Variants in PUS7 observed in about 807,000 individuals in gnomAD.
The protein encoded by PUS7 is pseudouridylate synthase 7 homolog.
Under a neutral mutation model 79.8 loss-of-function variants are expected in PUS7, and 48 were observed. That is an observed-to-expected ratio of 0.60 (90% CI 0.48 to 0.76). The LOEUF (loss-of-function observed/expected upper bound fraction) is 0.76, where lower values mean the gene tolerates loss of function less well. Among genes scored for constraint, PUS7 ranks in the 30% least tolerant of loss-of-function variants. The probability of loss-of-function intolerance (pLI) is 0.00; values close to 1 mark genes in which losing one functional copy is unlikely to be tolerated. For missense variants in PUS7, 729 were observed against 797.6 expected (o/e 0.91, Z 1.04); for synonymous variants, 286 against 272.2 (o/e 1.05, Z -0.50).
intron 5 of PUS7, among the ~76,000 whole-genome samples, chr7:105,499,386 G>C (rs1180358859): frequency 1.3e-5 from 2 of 152,100 alleles, no homozygotes; most frequent in Non-Finnish European, 2.9e-5. Flanking sequence ...CCCTCCTGGG[G>C]ACCATTCATT....
At chr7:105,492,500 ATTTTTTTTTTTT>A (rs1159017117) in intron 6 of PUS7, among the ~76,000 whole-genome samples, 1 of 87,324 alleles carries the variant, frequency 1.1e-5, no homozygotes, top group African/African-American at 5.0e-5. Context: ...GATTTTTTGT[ATTTTTTTTTTTT>A]TTTTTTTTTT....
chr7:105,475,602 G>A (rs1333667311), intron 9 of PUS7, among the ~76,000 whole-genome samples: 2 of 152,184 alleles, frequency 1.3e-5, no homozygotes, highest in Non-Finnish European at 2.9e-5. Context: ...CATTACAGGT[G>A]TGAGCCACCA....
chr7:105,506,434 T>C (rs1825463467), intron 2 of PUS7, among the ~76,000 whole-genome samples, 161 bp from the exon 3 acceptor site: 2 of 152,046 alleles, frequency 1.3e-5, no homozygotes, highest in Admixed American at 6.6e-5. Flanking sequence ...TTTTCTTTTT[T>C]TTTTTTGAGA....
intron 8 of PUS7, among the ~76,000 whole-genome samples, chr7:105,481,972 C>G (rs1388009512): frequency 6.6e-6 from 1 of 152,164 alleles, no homozygotes. Context: ...CCTTGTGATC[C>G]ACCTGCCAAG....
At chr7:105,512,044 C>T (rs1825721769) in intron 1 of PUS7, among the ~76,000 whole-genome samples, 1 of 146,010 alleles carries the variant, frequency 6.8e-6, no homozygotes, top group South Asian at 2.2e-4. Flanking sequence ...ACTCAGAAGG[C>T]TGAGGTAGGA....
At chr7:105,462,832 T>A in intron 13 of PUS7, 82 bp from the exon 14 acceptor site, 2 of 1,346,310 alleles carry the variant, frequency 1.5e-6, no homozygotes, top group Non-Finnish European at 1.0e-6. Context: ...AGAGTAACAA[T>A]GTAAGTTCAG....
intron 9 of PUS7, among the ~76,000 whole-genome samples, chr7:105,477,656 G>A (rs1321094026): frequency 2.0e-5 from 3 of 151,920 alleles, no homozygotes; most frequent in Non-Finnish European, 2.9e-5. Flanking sequence ...TATTTTTAAA[G>A]AACTGTGGAG....
intron 1 of PUS7, among the ~76,000 whole-genome samples, chr7:105,520,056 G>A (rs1296660105): frequency 1.3e-5 from 2 of 152,220 alleles, no homozygotes; most frequent in African/African-American, 2.4e-5. Flanking sequence ...GGGTGTGATG[G>A]CACACGCCTG....
At chr7:105,518,915 C>A (rs1262613512) in intron 1 of PUS7, among the ~76,000 whole-genome samples, 2 of 150,638 alleles carry the variant, frequency 1.3e-5, no homozygotes, top group Non-Finnish European at 3.0e-5. Flanking sequence ...ATTACAGGCG[C>A]CCGCCACAAC....
chr7:105,493,955 T>A (rs1824901252), intron 6 of PUS7, among the ~76,000 whole-genome samples: 1 of 152,254 alleles, frequency 6.6e-6, no homozygotes, highest in Non-Finnish European at 1.5e-5. Flanking sequence ...GTTAAATATA[T>A]ATTGGAAACC....
intron 6 of PUS7, among the ~76,000 whole-genome samples, chr7:105,494,338 C>T (rs1292515228): frequency 6.6e-6 from 1 of 151,954 alleles, no homozygotes. Context: ...GAAAACTATC[C>T]TCACGGCCTG....
At chr7:105,459,466 T>C (rs1234969307) in intron 14 of PUS7, among the ~76,000 whole-genome samples, 1 of 151,324 alleles carries the variant, frequency 6.6e-6, no homozygotes, top group Non-Finnish European at 1.5e-5. Context: ...AGATGGAGTC[T>C]CAACTCTGTC....
Position 105,491,718 on chromosome 7 carries a change from T to C in PUS7, c.843-101A>G. On this transcript the variant is annotated intron_variant, in intron 6 of 15. Transcript: ENST00000469408. Reference sequence around the variant, plus strand: ...AGTTTTAATATAAACATACTTACAATCATAACACAGTAAGAGAAGAATGAG... The same window carrying C: ...AGTTTTAATATAAACATACTTACAACCATAACACAGTAAGAGAAGAATGAG... 4.4e-6 allele frequency: 3 copies of C among 684,808 alleles called. No homozygotes were observed. In the South Asian group the frequency reaches 5.8e-5, roughly 13 times the overall value. 42.4% of individuals were successfully genotyped at this position (684,808 alleles called of 1,614,324 possible).
In PUS7 at chr7:105,506,289, A is replaced by G. The variant is rs962052147; in HGVS notation, c.399-16T>C. The G allele has an allele frequency of 3.0e-5, 47 of 1,550,612 alleles. No individual in the cohort carries two copies. The highest frequency in any genetic ancestry group is 4.2e-5 in the Non-Finnish European group (47 of 1,125,884). On this transcript the variant is annotated splice_polypyrimidine_tract_variant and intron_variant, in intron 2 of 15. Transcript: ENST00000469408. ...GTCGGAGTATCTGATGAAAGAAAAC[A>G]TGAACTTTCAGATAATTAACATCCT...
chr7:105,496,214 TATATATATATATAGAGAGAGAG>T lies in PUS7; in HGVS notation c.731-983_731-962del, dbSNP rs1163022009. The stretch of plus-strand genomic sequence containing the variant: ...ACACACACATATATATATATATATA[TATATATATATATAGAGAGAGAG>T]AGAGAGAGAGAGAGAGAGGGAGAGA... On this transcript the variant is annotated intron_variant, in intron 5 of 15. Transcript: ENST00000469408. 2.5e-3 allele frequency among the ~76,000 whole-genome samples: 179 copies of T among 71,770 alleles called. 1 individual carries two copies. The highest frequency in any genetic ancestry group is 9.9e-3 in the African/African-American group (172 of 17,324). The allele number at this position is 71,770 out of a possible 152,430, so 47.1% of individuals were successfully genotyped here. A position where few individuals can be genotyped will look rare whatever the true frequency, so the allele number is the denominator to read the frequency against.
intron 14 of PUS7, among the ~76,000 whole-genome samples, chr7:105,460,621 G>A (rs923639412): frequency 1.6e-4 from 25 of 151,826 alleles, no homozygotes; most frequent in Non-Finnish European, 2.5e-4. Flanking sequence ...TTGGGAGGCC[G>A]AGGCGGGCGG....
intron 1 of PUS7, among the ~76,000 whole-genome samples, chr7:105,511,442 T>TAAA (rs754392662): frequency 9.4e-6 from 1 of 106,800 alleles, no homozygotes. Context: ...AATTTTCATT[T>TAAA]AAAAAAAAAA....
Position 105,459,876 on chromosome 7 carries a change from G to A in PUS7, c.1758-617C>T, listed in dbSNP as rs557131535. Among the ~76,000 whole-genome samples the A allele has an allele frequency of 1.8e-3, 272 of 152,226 alleles. 2 individuals are homozygous for A. The highest frequency in any genetic ancestry group is 2.1e-3 in the Non-Finnish European group (146 of 68,024). On this transcript the variant is annotated intron_variant, in intron 14 of 15. Coordinates refer to ENST00000469408, the MANE Select transcript of PUS7 (RefSeq NM_019042.5). ...CTAAGCCCAGGAGTTCAAGACCAGCGTGGGTAACATGGTGAAACCCCATTT... is the reference window on the plus strand; with the variant it reads ...CTAAGCCCAGGAGTTCAAGACCAGCATGGGTAACATGGTGAAACCCCATTT...
intron 12 of PUS7, among the ~76,000 whole-genome samples, chr7:105,467,503 A>C (rs550632869): frequency 1.2e-3 from 183 of 151,340 alleles, no homozygotes; most frequent in Non-Finnish European, 2.1e-3. Context: ...GTTAGCCAGG[A>C]TGGTCTCGAT....
Sources: allele counts gnomAD v4.1 joint callset (sites outside exome capture counted in the v4.1 genomes callset), GRCh38; gene constraint gnomAD v4.1.1; transcripts MANE v1.5; gene names NCBI Gene and HGNC (gene_info 2026-07-23, HGNC 2026-07-21).